The following ENTREP2 variants were observed in gnomAD, a reference collection of about 807,000 sequenced individuals.
The protein encoded by ENTREP2 is endosomal transmembrane epsin interactor 2, also known as protein ENTREP2.
At chr15:29,353,778 C>T in the ENTREP2 span, among the ~76,000 whole-genome samples, 12 of 152,308 alleles carry the variant, frequency 7.9e-5, no homozygotes, top group African/African-American at 2.6e-4. Context: ...GATAGAGTTA[C>T]TCACCCAATG....
At chr15:29,395,560 C>T in the ENTREP2 span, among the ~76,000 whole-genome samples, 14,410 of 147,914 alleles carry the variant, frequency 0.097, 898 homozygotes, top group African/African-American at 0.15. Flanking sequence ...GACAGGGTCT[C>T]ACTCTCACCT....
At chr15:29,361,016 T>C in the ENTREP2 span, among the ~76,000 whole-genome samples, 1 of 152,172 alleles carries the variant, frequency 6.6e-6, no homozygotes, top group South Asian at 2.1e-4. Context: ...TTTCTACAGC[T>C]CGATTTACTC....
the ENTREP2 span, among the ~76,000 whole-genome samples, chr15:29,434,903 T>C: frequency 1.3e-5 from 2 of 152,162 alleles, no homozygotes; most frequent in Admixed American, 6.5e-5. Context: ...GGCCCGAGTG[T>C]TAGGCAGACT....
At chr15:29,257,337 T>C in the ENTREP2 span, among the ~76,000 whole-genome samples, 1 of 152,132 alleles carries the variant, frequency 6.6e-6, no homozygotes, top group African/African-American at 2.4e-5. Context: ...CCTCCCAAAG[T>C]GCTGGGATTA....
chr15:29,307,685 A>G, the ENTREP2 span, among the ~76,000 whole-genome samples: 1 of 152,194 alleles, frequency 6.6e-6, no homozygotes, highest in Non-Finnish European at 1.5e-5. Flanking sequence ...CTGACCCACA[A>G]GGATTGGTGG....
the ENTREP2 span, among the ~76,000 whole-genome samples, chr15:29,326,754 A>T: frequency 1.0e-3 from 158 of 152,176 alleles, 2 homozygotes; most frequent in Non-Finnish European, 4.4e-4. Flanking sequence ...ATAGCCAACA[A>T]AATGCTAAAG....
chr15:29,181,295 C>T, the ENTREP2 span, among the ~76,000 whole-genome samples: 1 of 151,996 alleles, frequency 6.6e-6, no homozygotes, highest in Admixed American at 6.6e-5. Flanking sequence ...ATTACCAAGC[C>T]CTGGTGATTT....
the ENTREP2 span, among the ~76,000 whole-genome samples, chr15:29,129,914 C>T: frequency 6.6e-6 from 1 of 152,156 alleles, no homozygotes; most frequent in East Asian, 1.9e-4. Flanking sequence ...TTCAGAATTG[C>T]TTTGGGGATA....
the ENTREP2 span, among the ~76,000 whole-genome samples, chr15:29,309,869 C>A: frequency 2.0e-5 from 3 of 151,888 alleles, no homozygotes; most frequent in African/African-American, 7.3e-5. Context: ...ATATGTCATG[C>A]CTGTGCTTGA....
the ENTREP2 span, among the ~76,000 whole-genome samples, chr15:29,496,294 G>T: frequency 8.2e-4 from 125 of 151,876 alleles, no homozygotes; most frequent in African/African-American, 2.9e-3. Context: ...TAGTTTTGGG[G>T]TGGTGTCTTT....
the ENTREP2 span, among the ~76,000 whole-genome samples, chr15:29,509,577 C>T: frequency 6.6e-6 from 1 of 152,118 alleles, no homozygotes; most frequent in Non-Finnish European, 1.5e-5. Flanking sequence ...TGGAACAGAA[C>T]AGAGGCCTCA....
the ENTREP2 span, among the ~76,000 whole-genome samples, chr15:29,432,340 G>T: frequency 6.6e-6 from 1 of 152,138 alleles, no homozygotes; most frequent in Non-Finnish European, 1.5e-5. Context: ...CGCCTGCCAT[G>T]TCTGAGCTCT....
At chr15:29,178,854 G>A in the ENTREP2 span, among the ~76,000 whole-genome samples, 1 of 152,126 alleles carries the variant, frequency 6.6e-6, no homozygotes, top group Non-Finnish European at 1.5e-5. Context: ...TTTTTTAAAA[G>A]GGAAAGGTCT....
chr15:29,595,526 T>G, the ENTREP2 span, among the ~76,000 whole-genome samples: 1 of 152,106 alleles, frequency 6.6e-6, no homozygotes, highest in Non-Finnish European at 1.5e-5. Context: ...ACGTCCACAG[T>G]ATAATTAGTT....
chr15:29,277,957 ATAAAT>A, the ENTREP2 span, among the ~76,000 whole-genome samples: 1 of 152,260 alleles, frequency 6.6e-6, no homozygotes, highest in Non-Finnish European at 1.5e-5. Context: ...TGGAAAAAAA[ATAAAT>A]TAGAGAAAAA....
chr15:29,175,904 A>C, the ENTREP2 span, among the ~76,000 whole-genome samples: 11,919 of 152,198 alleles, frequency 0.078, 1,579 homozygotes, highest in African/African-American at 0.27. Flanking sequence ...CTGTACCCAG[A>C]CTGTCCATCT....
chr15:29,606,927 G>A, the ENTREP2 span, among the ~76,000 whole-genome samples: 5 of 152,046 alleles, frequency 3.3e-5, no homozygotes, highest in South Asian at 2.1e-4. Context: ...TCTGCCTCCC[G>A]GGTTCAAGCA....
At chr15:29,352,781 CT>C in the ENTREP2 span, among the ~76,000 whole-genome samples, 2 of 152,180 alleles carry the variant, frequency 1.3e-5, no homozygotes, top group African/African-American at 4.8e-5. Flanking sequence ...TATTTTATTC[CT>C]TTTTGCTTAT....
At chr15:29,488,824 C>A in the ENTREP2 span, among the ~76,000 whole-genome samples, 1 of 152,140 alleles carries the variant, frequency 6.6e-6, no homozygotes, top group Non-Finnish European at 1.5e-5. Context: ...TTGTATGATA[C>A]ATCCTACAAA....
Sources: allele counts gnomAD v4.1 joint callset (sites outside exome capture counted in the v4.1 genomes callset), GRCh38; gene constraint gnomAD v4.1.1; transcripts MANE v1.5; gene names NCBI Gene and HGNC (gene_info 2026-07-23, HGNC 2026-07-21).